The following SPATA6L variants were observed in gnomAD, a reference collection of about 807,000 sequenced individuals.
The protein encoded by SPATA6L is spermatogenesis associated 6 like, also known as spermatogenesis associated 6-like protein.
In SPATA6L, 68 loss-of-function variants were observed where a neutral mutation model predicts 49.2. The ratio of observed to expected loss-of-function variants is 1.38; its 90% CI spans 1.14 to 1.69. The LOEUF (loss-of-function observed/expected upper bound fraction) is 1.69, where lower values mean the gene tolerates loss of function less well. SPATA6L is among the 40% of genes most tolerant of loss of function. SPATA6L has a pLI of 0.00. For synonymous variants in SPATA6L, 198 were observed against 165.7 expected, an observed-to-expected ratio of 1.19 and a Z score of -1.50; for missense variants, 668 against 464.3, an observed-to-expected ratio of 1.44 and a Z score of -4.03.
intron 9 of SPATA6L, among the ~76,000 whole-genome samples, chr9:4,615,750 T>A (rs945699633): frequency 1.3e-5 from 2 of 152,146 alleles, no homozygotes; most frequent in Non-Finnish European, 2.9e-5. Flanking sequence ...AGCAGAGACA[T>A]GTCATGATGG....
At chr9:4,614,379 G>C (rs1219539556) in intron 9 of SPATA6L, among the ~76,000 whole-genome samples, 1 of 152,138 alleles carries the variant, frequency 6.6e-6, no homozygotes, top group Non-Finnish European at 1.5e-5. Context: ...TATTAAGTTA[G>C]CAGAAAAGCA....
intron 1 of SPATA6L, chr9:4,664,569 C>T (rs1840576421): frequency 6.0e-6 from 1 of 167,080 alleles, no homozygotes; most frequent in African/African-American, 2.4e-5. Context: ...GCTCATTATT[C>T]TTTGACCCAG....
chr9:4,665,852 C>G (rs1840781819), intron 1 of SPATA6L, among the ~76,000 whole-genome samples: 1 of 152,016 alleles, frequency 6.6e-6, no homozygotes, highest in African/African-American at 2.4e-5. Flanking sequence ...TAAAATTATT[C>G]CCTGGTTATT....
chr9:4,626,505 T>C, intron 5 of SPATA6L: 1 of 1,304,386 alleles, frequency 7.7e-7, no homozygotes, highest in Non-Finnish European at 1.0e-6. Context: ...GTTTCTTCTT[T>C]AAGCTTCTGT....
chr9:4,625,649 G>T, intron 5 of SPATA6L, 83 bp from the exon 6 acceptor site: 1 of 998,422 alleles, frequency 1.0e-6, no homozygotes. Context: ...GTATTTAATT[G>T]AATTTTTAAA....
intron 5 of SPATA6L, chr9:4,626,341 G>A: frequency 8.0e-7 from 1 of 1,247,586 alleles, no homozygotes; most frequent in Non-Finnish European, 1.0e-6. Flanking sequence ...TAGACCCACA[G>A]GAACCTTCCT....
rs1204231242 is a variant in SPATA6L at position 4,662,599 on chromosome 9, C to T, written c.40-563G>A. On this transcript the variant is annotated intron_variant, in intron 1 of 11. Coordinates refer to ENST00000682582, the MANE Select transcript of SPATA6L (RefSeq NM_001353486.2). This position sits in a 1 kb window ranked among gnomAD's most constrained non-coding sequence, Gnocchi z 4.9. ...CGCCGCGGCTCCTTCCCCCTGGCCG[C>T]GGCGGGCCCCTCGCAGTCGCCCGCG... 5 of 1,590,494 alleles carry T rather than the reference C, an allele frequency of 3.1e-6. No homozygotes were observed. In the South Asian group the frequency reaches 5.5e-5, roughly 18 times the overall value.
At chr9:4,607,677 C>T (rs1212810290) in intron 9 of SPATA6L, among the ~76,000 whole-genome samples, 4 of 152,026 alleles carry the variant, frequency 2.6e-5, no homozygotes, top group Non-Finnish European at 2.9e-5. Flanking sequence ...CCGGTACCAG[C>T]CGCTGCAAAA....
rs373375170 is a variant in SPATA6L at position 4,604,208 on chromosome 9, T to C, written c.1151A>G (p.Tyr384Cys). ...IERPSYPLKK[Y>C]SLHEQRYF ...AAAATATCTCTGTTCATGCAGTGAG[T>C]ATTTCTTCAGAGGGTAGCTTGGTCT... is the stretch of plus-strand genomic sequence containing the variant. Residue 384 changes from tyrosine (Y) to cysteine (C), a missense_variant, in exon 11 of 12, where the codon TAC becomes TGC. Tyr to Cys is a radical substitution (Grantham distance 194, BLOSUM62 -2). Coordinates refer to ENST00000682582, the MANE Select transcript of SPATA6L (RefSeq NM_001353486.2). 2.1e-5 allele frequency: 34 copies of C among 1,611,914 alleles called. No individual in the cohort carries two copies. In the African/African-American group the frequency reaches 3.5e-4, roughly 16 times the overall value.
chr9:4,621,202 G>A (rs999036072), intron 7 of SPATA6L, among the ~76,000 whole-genome samples: 1 of 152,198 alleles, frequency 6.6e-6, no homozygotes, highest in African/African-American at 2.4e-5. Context: ...AGGAATGACT[G>A]ATCTTCACCG....
In SPATA6L at chr9:4,607,145, G is replaced by A. The variant is rs908254516; in HGVS notation, c.996-1705C>T. On this transcript the variant is annotated intron_variant, in intron 9 of 11. Coordinates refer to ENST00000682582, the MANE Select transcript of SPATA6L (RefSeq NM_001353486.2). ...GCCTCCAAGAAATATGGGACTATGT[G>A]AAAAGACCAAATCTACGTCTGATTG... Among the ~76,000 whole-genome samples, 3 of 152,184 alleles carry A rather than the reference G, an allele frequency of 2.0e-5. No homozygotes were observed. In the South Asian group the frequency reaches 6.2e-4, roughly 32 times the overall value.
chr9:4,644,218 A>T (rs1410507727), intron 3 of SPATA6L, among the ~76,000 whole-genome samples: 1 of 120,936 alleles, frequency 8.3e-6, no homozygotes, highest in Non-Finnish European at 1.7e-5. Context: ...AAAAAAAAAA[A>T]ATGTAGCTGG....
chr9:4,593,256 A>T (rs1351771597), intron 13 of SPATA6L, among the ~76,000 whole-genome samples: 1 of 152,206 alleles, frequency 6.6e-6, no homozygotes, highest in Non-Finnish European at 1.5e-5. Flanking sequence ...ATGACATTTT[A>T]TTTGATACAA....
chr9:4,638,233 C>T (rs990052501), intron 3 of SPATA6L, among the ~76,000 whole-genome samples: 11 of 151,966 alleles, frequency 7.2e-5, no homozygotes, highest in Non-Finnish European at 1.5e-4. Context: ...TTTTTTGAGA[C>T]GGAGTCTCGC....
chr9:4,604,308 A>G, intron 10 of SPATA6L, 39 bp from the exon 11 acceptor site: 1 of 1,374,626 alleles, frequency 7.3e-7, no homozygotes, highest in Non-Finnish European at 1.0e-6. Flanking sequence ...GTTACCCATA[A>G]CATAATAGAG....
At chr9:4,602,817 T>C (rs1031669459) in intron 11 of SPATA6L, among the ~76,000 whole-genome samples, 5 of 152,208 alleles carry the variant, frequency 3.3e-5, no homozygotes, top group Admixed American at 6.5e-5. Flanking sequence ...CCATGTCACC[T>C]TGAGCAAGGG....
chr9:4,653,280 T>C (rs936333079), intron 3 of SPATA6L, among the ~76,000 whole-genome samples: 13 of 152,224 alleles, frequency 8.5e-5, no homozygotes, highest in African/African-American at 2.4e-5. Context: ...TTTTATCAAA[T>C]GGTGCTAAAA....
chr9:4,591,832 T>A (rs1292800201), intron 13 of SPATA6L, among the ~76,000 whole-genome samples: 1 of 152,200 alleles, frequency 6.6e-6, no homozygotes, highest in Non-Finnish European at 1.5e-5. Context: ...TTTGCTTCTA[T>A]ATCAATCCAG....
chr9:4,611,101 C>T (rs1000236796), intron 9 of SPATA6L, among the ~76,000 whole-genome samples: 5 of 149,272 alleles, frequency 3.3e-5, no homozygotes, highest in Admixed American at 3.3e-4. Context: ...CATTGAGATA[C>T]CATCTCACAC....
Sources: gnomAD v4.1 joint callset for allele counts (sites outside exome capture counted in the v4.1 genomes callset) on GRCh38, gnomAD v4.1.1 for gene constraint, Gnocchi (gnomAD v3.1) non-coding constraint, MANE v1.5 for transcripts, NCBI Gene and HGNC (gene_info 2026-07-23, HGNC 2026-07-21) for gene names.